The following DTNB variants were observed in gnomAD, a reference collection of about 807,000 sequenced individuals.
DTNB encodes the protein DTN-B.
DTNB carries 63 observed loss-of-function variants against 90.7 expected under a neutral mutation model. That is an observed-to-expected ratio of 0.69 (90% CI 0.57 to 0.86). The LOEUF is 0.86. Ranked by LOEUF, DTNB falls within the 40% of genes least tolerant of loss-of-function variation. DTNB has a pLI of 0.00. For synonymous variants in DTNB, 277 were observed against 286.7 expected (o/e 0.97, Z 0.34); for missense variants, 744 against 807.1 (o/e 0.92, Z 0.95).
chr2:25,500,572 T>C (rs1482160729), intron 9 of DTNB, among the ~76,000 whole-genome samples: 1 of 152,108 alleles, frequency 6.6e-6, no homozygotes, highest in African/African-American at 2.4e-5. Context: ...ACCATTTCAT[T>C]AAAATGTGTA....
At chr2:25,518,311 A>T (rs983580582) in intron 9 of DTNB, among the ~76,000 whole-genome samples, 1 of 152,212 alleles carries the variant, frequency 6.6e-6, no homozygotes, top group African/African-American at 2.4e-5. Context: ...AATGGCAAAC[A>T]GGGTGAGAAA....
intron 9 of DTNB, among the ~76,000 whole-genome samples, chr2:25,498,382 G>A (rs2069514622): frequency 6.6e-6 from 1 of 152,142 alleles, no homozygotes; most frequent in Non-Finnish European, 1.5e-5. Flanking sequence ...TAAAATGGGT[G>A]CATGTGTTAG....
intron 9 of DTNB, among the ~76,000 whole-genome samples, chr2:25,523,086 T>C (rs923083470): frequency 1.3e-5 from 2 of 152,198 alleles, no homozygotes; most frequent in African/African-American, 4.8e-5. Context: ...GAAATATTGG[T>C]GAGCCTATCA....
At chr2:25,663,742 C>T (rs945957101) in intron 1 of DTNB, among the ~76,000 whole-genome samples, 2 of 152,114 alleles carry the variant, frequency 1.3e-5, no homozygotes, top group African/African-American at 4.8e-5. Context: ...AAATTTGGTA[C>T]AATAGCCATC....
At chr2:25,652,437 G>A (rs926537209) in intron 2 of DTNB, among the ~76,000 whole-genome samples, 157 bp downstream of exon 2, 1 of 151,518 alleles carries the variant, frequency 6.6e-6, no homozygotes, top group South Asian at 2.1e-4. Flanking sequence ...GCTTTGGCTT[G>A]GGGTCCTTCA....
chr2:25,620,331 G>C (rs1175916568), intron 4 of DTNB, among the ~76,000 whole-genome samples: 1 of 152,156 alleles, frequency 6.6e-6, no homozygotes, highest in Non-Finnish European at 1.5e-5. Context: ...TCTGAAGTGG[G>C]AAGTTACATG....
rs1393863034 is a variant in DTNB, at chr2:25,652,804, C to G, written c.-1-143G>C. On this transcript the variant is annotated intron_variant, in intron 1 of 20. Coordinates refer to ENST00000406818, the MANE Select transcript of DTNB (RefSeq NM_021907.5). ...GTATCAGTAAAAATAAACTGGAAGC[C>G]TGATTCAGAAAAAGATAAACTGCCA... 3 of 657,712 alleles carry G rather than the reference C, an allele frequency of 4.6e-6. No homozygotes were observed. The African/African-American group carries it at 5.6e-5, about 12-fold the overall frequency. The allele number at this position is 657,712 out of a possible 1,614,324, so 40.7% of individuals were successfully genotyped here.
intron 10 of DTNB, among the ~76,000 whole-genome samples, chr2:25,473,463 GTGT>G (rs2063180273): frequency 6.6e-6 from 1 of 152,172 alleles, no homozygotes; most frequent in Non-Finnish European, 1.5e-5. Flanking sequence ...GTGTAAAAAT[GTGT>G]TTTTTAAAAG....
chr2:25,394,406 C>T (rs761818099), intron 16 of DTNB, among the ~76,000 whole-genome samples: 9 of 151,866 alleles, frequency 5.9e-5, no homozygotes, highest in Non-Finnish European at 8.8e-5. Flanking sequence ...CTTAATTAAA[C>T]TAAATAGCTT....
chr2:25,581,496 A>T (rs2061543718), intron 6 of DTNB, among the ~76,000 whole-genome samples: 1 of 152,226 alleles, frequency 6.6e-6, no homozygotes, highest in Non-Finnish European at 1.5e-5. Flanking sequence ...TGCTCCTGTT[A>T]TACCATCTCC....
At chr2:25,622,616 AGC>A (rs1437806515) in intron 4 of DTNB, among the ~76,000 whole-genome samples, 1 of 152,166 alleles carries the variant, frequency 6.6e-6, no homozygotes, top group Non-Finnish European at 1.5e-5. Flanking sequence ...TCCCACCTCC[AGC>A]ACATCCCATG....
At position 25,526,384 on chromosome 2, in the gene DTNB, TATATA is replaced by T. The variant is rs1417960963; in HGVS notation, c.1001+5084_1001+5088del. Among the ~76,000 whole-genome samples, 5 of 53,540 alleles carry T rather than the reference TATATA, an allele frequency of 9.3e-5. 1 individual carries two copies. Among genetic ancestry groups the T allele is most frequent in the African/African-American group, 4.3e-4 (4 of 9,222 alleles). 35.1% of individuals were successfully genotyped at this position (53,540 alleles called of 152,430 possible). On this transcript the variant is annotated intron_variant, in intron 9 of 20. Transcript: ENST00000406818. ...ATAAATATATATATATATATATATA[TATATA>T]TATATATTTTTTTTTTTTTAATTGA...
intron 3 of DTNB, among the ~76,000 whole-genome samples, chr2:25,638,531 T>TAC (rs929544800): frequency 2.0e-5 from 3 of 152,286 alleles, no homozygotes; most frequent in African/African-American, 7.2e-5. Flanking sequence ...ATTAAGTATA[T>TAC]ACACACACAG....
chr2:25,470,778 C>G (rs1199272362), intron 10 of DTNB, among the ~76,000 whole-genome samples: 1 of 152,138 alleles, frequency 6.6e-6, no homozygotes, highest in African/African-American at 2.4e-5. Context: ...CTCTAAATGC[C>G]TGACTGAGAC....
At chr2:25,570,927 A>G (rs985713246) in intron 8 of DTNB, among the ~76,000 whole-genome samples, 1 of 152,214 alleles carries the variant, frequency 6.6e-6, no homozygotes, top group Non-Finnish European at 1.5e-5. Context: ...CTCTAGACTC[A>G]TAATATACAA....
intron 2 of DTNB, among the ~76,000 whole-genome samples, chr2:25,648,894 A>G (rs947823364): frequency 6.6e-6 from 1 of 152,080 alleles, no homozygotes; most frequent in African/African-American, 2.4e-5. Context: ...AACCTGTACC[A>G]ATCATCACTC....
At chr2:25,631,141 C>T (rs1428873878) in intron 3 of DTNB, among the ~76,000 whole-genome samples, 1 of 151,962 alleles carries the variant, frequency 6.6e-6, no homozygotes, top group East Asian at 1.9e-4. Flanking sequence ...GATGGTTGTA[C>T]GACTTTGTGG....
At chr2:25,515,716 C>T (rs1240426325) in intron 9 of DTNB, among the ~76,000 whole-genome samples, 3 of 152,114 alleles carry the variant, frequency 2.0e-5, no homozygotes, top group Non-Finnish European at 2.9e-5. Flanking sequence ...GCTGGGATTA[C>T]AGGAGCCCGC....
intron 9 of DTNB, among the ~76,000 whole-genome samples, chr2:25,501,613 G>A (rs2070736797): frequency 1.3e-5 from 2 of 152,120 alleles, no homozygotes; most frequent in African/African-American, 4.8e-5. Flanking sequence ...CTGACCTCAA[G>A]AGATCAGCCT....
Sources: gnomAD v4.1 joint callset for allele counts (sites outside exome capture counted in the v4.1 genomes callset) on GRCh38, gnomAD v4.1.1 for gene constraint, MANE v1.5 for transcripts, NCBI Gene and HGNC (gene_info 2026-07-23, HGNC 2026-07-21) for gene names.